The following WDR4 variants were observed in gnomAD, a reference collection of about 807,000 sequenced individuals.
WDR4 encodes the protein WDR4 tRNA N7-guanosine methyltransferase non-catalytic subunit, also known as tRNA (guanine-N(7)-)-methyltransferase non-catalytic subunit WDR4.
In WDR4, 47 loss-of-function variants were observed where a neutral mutation model predicts 48.6. The observed-to-expected ratio is 0.97, with a 90% CI of 0.77 to 1.23. The LOEUF is 1.23. WDR4 is among the 50% of genes most tolerant of loss of function. The pLI is 0.00. For synonymous variants in WDR4, 268 were observed against 230.0 expected (o/e 1.17, Z -1.49); for missense variants, 606 against 551.6 (o/e 1.10, Z -0.99).
intron 11 of WDR4, among the ~76,000 whole-genome samples, chr21:42,844,150 T>C (rs1394709876): frequency 6.6e-6 from 1 of 152,062 alleles, no homozygotes; most frequent in Non-Finnish European, 1.5e-5. Context: ...CTGAAGAAGA[T>C]GAGCAGACTC....
chr21:42,851,636 C>T (rs563594201), intron 10 of WDR4, among the ~76,000 whole-genome samples: 3 of 152,356 alleles, frequency 2.0e-5, no homozygotes, highest in African/African-American at 7.2e-5. Flanking sequence ...GCACCCAGAA[C>T]TACAGTGTGT....
At chr21:42,865,022 C>T (rs966700499) in intron 3 of WDR4, among the ~76,000 whole-genome samples, 3 of 152,142 alleles carry the variant, frequency 2.0e-5, no homozygotes, top group Non-Finnish European at 2.9e-5. Context: ...GAGATGGAAG[C>T]TTCAGGAACG....
chr21:42,871,875 T>A (rs2058375694), intron 3 of WDR4, among the ~76,000 whole-genome samples: 1 of 152,234 alleles, frequency 6.6e-6, no homozygotes, highest in Admixed American at 6.5e-5. Flanking sequence ...AAAACCCGTA[T>A]ACACAAAAAC....
chr21:42,858,106 T>C (rs577383508), intron 6 of WDR4, among the ~76,000 whole-genome samples: 18 of 151,862 alleles, frequency 1.2e-4, no homozygotes, highest in Non-Finnish European at 2.5e-4. Context: ...AAAATAAGAA[T>C]CAGAGCATTA....
intron 10 of WDR4, among the ~76,000 whole-genome samples, chr21:42,851,499 G>T (rs1019900203): frequency 2.0e-5 from 3 of 152,188 alleles, no homozygotes; most frequent in African/African-American, 7.2e-5. Context: ...ACTGCAGTGG[G>T]GTTTAGCTTT....
At chr21:42,860,826 G>A (rs1193572436) in intron 5 of WDR4, among the ~76,000 whole-genome samples, 1 of 152,212 alleles carries the variant, frequency 6.6e-6, no homozygotes. Context: ...GCACCACGCT[G>A]AGGGCTGCAC....
At chr21:42,859,552 A>AGCCTGCCAGGG in intron 6 of WDR4, 110 bp downstream of exon 6, 1 of 625,494 alleles carries the variant, frequency 1.6e-6, no homozygotes, top group Non-Finnish European at 2.5e-6. Flanking sequence ...GGACAGCCAC[A>AGCCTGCCAGGG]GCCAGCCAGG....
At chr21:42,851,236 A>C (rs2057820406) in intron 10 of WDR4, among the ~76,000 whole-genome samples, 2 of 152,232 alleles carry the variant, frequency 1.3e-5, no homozygotes, top group South Asian at 4.1e-4. Flanking sequence ...TGCCGCCTGC[A>C]GTCCCTGACA....
chr21:42,887,309 T>A, the WDR4 span, among the ~76,000 whole-genome samples: 3 of 148,528 alleles, frequency 2.0e-5, no homozygotes, highest in African/African-American at 5.2e-5. Context: ...TTTTTTTTTT[T>A]TTTTTATTTT....
rs778814469 is a variant in WDR4 at position 42,859,660 on chromosome 21, A to G, written c.627+2T>C. On this transcript the variant is annotated splice_donor_variant, in intron 6 of 10. Transcript: ENST00000398208. LOFTEE classifies it high-confidence loss of function. ...GTGAGTGACGCTGGGCAGAACACTT[A>G]CCCCAGAGGAGGACAGAAGCAGCCC... The G allele has an allele frequency of 3.9e-6, 6 of 1,540,124 alleles. No individual in the cohort carries two copies. The highest frequency in any genetic ancestry group is 5.3e-6 in the Non-Finnish European group (6 of 1,140,884).
chr21:42,859,586 G>GATCCACAGGGGCCAGT, intron 6 of WDR4, 76 bp downstream of exon 6: 16 of 731,636 alleles, frequency 2.2e-5, no homozygotes, highest in Non-Finnish European at 3.3e-5. Context: ...CAGGGGCCAG[G>GATCCACAGGGGCCAGT]TCCAGGAGGC....
intron 3 of WDR4, among the ~76,000 whole-genome samples, chr21:42,869,615 A>G (rs1478145121): frequency 6.6e-6 from 1 of 152,188 alleles, no homozygotes; most frequent in East Asian, 1.9e-4. Context: ...GTGTCCAAAT[A>G]TAAAGAGCTC....
chr21:42,856,148 C>A (rs2057985247), intron 6 of WDR4, among the ~76,000 whole-genome samples: 1 of 152,198 alleles, frequency 6.6e-6, no homozygotes, highest in South Asian at 2.1e-4. Context: ...GGCATGCACA[C>A]AGGTCTGCGC....
chr21:42,846,961 C>G (rs531386570), downstream of WDR4, among the ~76,000 whole-genome samples: 39 of 102,056 alleles, frequency 3.8e-4, no homozygotes, highest in African/African-American at 2.2e-3. Flanking sequence ...GCGGAGGTTG[C>G]AGTGAGGTGG....
chr21:42,881,787 A>T (rs1001860169), upstream of WDR4, among the ~76,000 whole-genome samples: 15 of 152,208 alleles, frequency 9.9e-5, no homozygotes, highest in Admixed American at 3.3e-4. Flanking sequence ...CAACAAGCTC[A>T]TAAAAACTAT....
At chr21:42,879,739 A>T, upstream of WDR4, 1 of 508,996 alleles carries the variant, frequency 2.0e-6, no homozygotes, top group East Asian at 3.1e-5. Flanking sequence ...GATGGAGTGC[A>T]CTTCGCACGA....
At chr21:42,869,071 G>A (rs1469779405) in intron 3 of WDR4, among the ~76,000 whole-genome samples, 2 of 152,178 alleles carry the variant, frequency 1.3e-5, no homozygotes, top group Non-Finnish European at 2.9e-5. Context: ...TGCAAATCCT[G>A]TAATCCATCT....
upstream of WDR4, among the ~76,000 whole-genome samples, chr21:42,883,098 CAAAAAA>C (rs35978225): frequency 2.3e-5 from 2 of 87,306 alleles, no homozygotes; most frequent in African/African-American, 5.0e-5. Flanking sequence ...GACTCCGTCT[CAAAAAA>C]AAAAAAAAAA....
chr21:42,843,725 C>T (rs1238344216), intron 11 of WDR4, among the ~76,000 whole-genome samples: 1 of 152,082 alleles, frequency 6.6e-6, no homozygotes, highest in African/African-American at 2.4e-5. Context: ...AGGCATGTGC[C>T]CAGCTAATTT....
Sources: allele counts gnomAD v4.1 joint callset (sites outside exome capture counted in the v4.1 genomes callset), GRCh38; gene constraint gnomAD v4.1.1; transcripts MANE v1.5; gene names NCBI Gene and HGNC (gene_info 2026-07-23, HGNC 2026-07-21).